FIGN: variants seen among roughly 807,000 people sequenced by gnomAD.
FIGN encodes fidgetin, microtubule severing factor.
In FIGN, 11 loss-of-function variants were observed where a neutral mutation model predicts 51.3. That is an observed-to-expected ratio of 0.21 (90% confidence interval 0.13 to 0.35). The LOEUF (loss-of-function observed/expected upper bound fraction) is 0.35, where lower values mean the gene tolerates loss of function less well. Ranked by LOEUF, FIGN falls within the 10% of genes least tolerant of loss-of-function variation. The pLI, the probability that FIGN is intolerant of heterozygous loss-of-function variation, is 1.00. For synonymous variants in FIGN, 407 were observed against 363.2 expected (o/e 1.12, Z -1.37); for missense variants, 857 against 943.6 (o/e 0.91, Z 1.20).
intron 2 of FIGN, among the ~76,000 whole-genome samples, chr2:163,727,128 GA>G (rs1327340849): frequency 6.6e-6 from 1 of 151,910 alleles, no homozygotes; most frequent in Non-Finnish European, 1.5e-5. Context: ...ATGAACAGAT[GA>G]AAAATAAAAA....
Position 163,609,146 on chromosome 2 carries a change from G to T in FIGN, c.*406C>A. Reference sequence around the variant, plus strand: ...TTTGAAGTTAAAGCTCTTTATATTAGCACATGCCACCAATGTAATTGTGAG... The same window carrying T: ...TTTGAAGTTAAAGCTCTTTATATTATCACATGCCACCAATGTAATTGTGAG... On this transcript the variant is annotated 3_prime_UTR_variant, in exon 3 of 3. Coordinates refer to ENST00000333129, the MANE Select transcript of FIGN (RefSeq NM_018086.4). 1 of 176,876 alleles carries T rather than the reference G, an allele frequency of 5.7e-6. No individual in the cohort carries two copies. The highest frequency in any genetic ancestry group is 1.2e-5 in the Non-Finnish European group (1 of 83,108). 11.0% of individuals were successfully genotyped at this position (176,876 alleles called of 1,614,324 possible). A position where few individuals can be genotyped will look rare whatever the true frequency, so the allele number is the denominator to read the frequency against.
chr2:163,704,038 GA>G (rs1190118509), intron 2 of FIGN, among the ~76,000 whole-genome samples: 5 of 151,208 alleles, frequency 3.3e-5, no homozygotes, highest in East Asian at 3.9e-4. Flanking sequence ...GGAAAAGGGG[GA>G]AAAAAAAGTC....
Position 163,726,617 on chromosome 2 carries a change from A to G in FIGN, c.25+8286T>C, listed in dbSNP as rs185315112. On this transcript the variant is annotated intron_variant, in intron 2 of 2. Transcript: ENST00000333129. ...ATACATTTTCTAACTAACCCCGTTA[A>G]CCTAAATACTCATAAAGGAATACCA... Among the ~76,000 whole-genome samples, 7 of 152,124 alleles carry G rather than the reference A, an allele frequency of 4.6e-5. No homozygotes were observed. The East Asian group carries it at 1.4e-3, about 30-fold the overall frequency.
intron 2 of FIGN, among the ~76,000 whole-genome samples, chr2:163,709,787 A>C (rs1452066898): frequency 6.6e-6 from 1 of 152,148 alleles, no homozygotes; most frequent in East Asian, 1.9e-4. Flanking sequence ...TTTATGAGAA[A>C]AAAATAGAAT....
At chr2:163,689,554 TCAAC>T (rs1241084790) in intron 2 of FIGN, among the ~76,000 whole-genome samples, 2 of 152,158 alleles carry the variant, frequency 1.3e-5, no homozygotes, top group Non-Finnish European at 2.9e-5. Flanking sequence ...ATGGAAATTA[TCAAC>T]CTTTTATTTA....
intron 2 of FIGN, among the ~76,000 whole-genome samples, chr2:163,634,723 C>T (rs116825038): frequency 0.011 from 1,643 of 152,300 alleles, 21 homozygotes; most frequent in African/African-American, 0.034. Flanking sequence ...GACTGATGAA[C>T]AGTTACACAT....
At position 163,604,936 on chromosome 2, in the gene FIGN, C is replaced by CTTTTTTTTTTTTTTTTTT. The variant is rs71410075; in HGVS notation, c.*4598_*4615dup. On this transcript the variant is annotated 3_prime_UTR_variant, in exon 3 of 3. Coordinates refer to ENST00000333129, the MANE Select transcript of FIGN (RefSeq NM_018086.4). Reference sequence around the variant, plus strand: ...TTTTAAGCCCAGAAATAAACTTTTGCTTTTTTTTTTTTTTTTTTTGTATCA... The same window carrying CTTTTTTTTTTTTTTTTTT: ...TTTTAAGCCCAGAAATAAACTTTTGCTTTTTTTTTTTTTTTTTTTTTTTTTTTTTTTTTTTTTGTATCA... 5 of 94,258 alleles carry CTTTTTTTTTTTTTTTTTT rather than the reference C, an allele frequency of 5.3e-5. 1 individual carries two copies. Among genetic ancestry groups the CTTTTTTTTTTTTTTTTTT allele is most frequent in the South Asian group, 9.3e-4 (2 of 2,144 alleles). The allele number at this position is 94,258 out of a possible 1,614,324, so 5.8% of individuals were successfully genotyped here.
intron 2 of FIGN, among the ~76,000 whole-genome samples, chr2:163,631,649 T>G (rs1033757344): frequency 3.3e-5 from 5 of 152,170 alleles, no homozygotes; most frequent in Admixed American, 6.6e-5. Flanking sequence ...CTGCATTTTG[T>G]TTTTATGTAT....
intron 2 of FIGN, among the ~76,000 whole-genome samples, chr2:163,653,186 C>T (rs1250741936): frequency 6.6e-6 from 1 of 152,040 alleles, no homozygotes; most frequent in Non-Finnish European, 1.5e-5. Flanking sequence ...TAATGTGCTT[C>T]AAATAATGAC....
intron 2 of FIGN, among the ~76,000 whole-genome samples, chr2:163,629,952 CTTTTTTTTTTTTTTTT>C (rs71297448): frequency 1.8e-5 from 1 of 56,936 alleles, no homozygotes; most frequent in Non-Finnish European, 3.3e-5. Context: ...GAAAGGGGCA[CTTTTTTTTTTTTTTTT>C]TTTTTTTTTT....
chr2:163,726,952 C>A (rs933880377), intron 2 of FIGN, among the ~76,000 whole-genome samples: 1 of 151,956 alleles, frequency 6.6e-6, no homozygotes, highest in Non-Finnish European at 1.5e-5. Flanking sequence ...AATGAAAATG[C>A]CTTCAATCTT....
At chr2:163,673,815 C>G (rs1175256578) in intron 2 of FIGN, among the ~76,000 whole-genome samples, 1 of 151,928 alleles carries the variant, frequency 6.6e-6, no homozygotes, top group African/African-American at 2.4e-5. Context: ...GGGGCAGAAG[C>G]CTCAGGTGAG....
intron 2 of FIGN, among the ~76,000 whole-genome samples, chr2:163,612,032 C>T (rs997888994): frequency 1.1e-4 from 17 of 152,284 alleles, no homozygotes; most frequent in African/African-American, 3.9e-4. Flanking sequence ...TAAAATATAA[C>T]TCTGTAGTTA....
At chr2:163,681,384 C>G (rs528356493) in intron 2 of FIGN, among the ~76,000 whole-genome samples, 2 of 152,190 alleles carry the variant, frequency 1.3e-5, no homozygotes, top group African/African-American at 4.8e-5. Flanking sequence ...CTACTTTTGA[C>G]AATATTGTAT....
chr2:163,672,048 A>C (rs1683885096), intron 2 of FIGN, among the ~76,000 whole-genome samples: 1 of 152,168 alleles, frequency 6.6e-6, no homozygotes, highest in Admixed American at 6.6e-5. Context: ...CACATGTGTC[A>C]TAAACGGCTA....
intron 2 of FIGN, among the ~76,000 whole-genome samples, chr2:163,668,336 A>G (rs1296917403): frequency 6.6e-6 from 1 of 152,184 alleles, no homozygotes; most frequent in African/African-American, 2.4e-5. Flanking sequence ...AGTAAAGGAT[A>G]CCAAGAAGAA....
intron 2 of FIGN, among the ~76,000 whole-genome samples, chr2:163,676,195 GA>G (rs1260104654): frequency 6.6e-6 from 1 of 151,418 alleles, no homozygotes; most frequent in African/African-American, 2.4e-5. Context: ...TAATGTTTCT[GA>G]AACTTGAGTA....
chr2:163,696,009 G>A (rs1487385833), intron 2 of FIGN, among the ~76,000 whole-genome samples: 1 of 152,140 alleles, frequency 6.6e-6, no homozygotes, highest in Non-Finnish European at 1.5e-5. Flanking sequence ...TACTTGTGAG[G>A]TTGAGGCAAG....
chr2:163,726,998 C>T (rs1684847931), intron 2 of FIGN, among the ~76,000 whole-genome samples: 1 of 151,878 alleles, frequency 6.6e-6, no homozygotes, highest in South Asian at 2.1e-4. Flanking sequence ...GAATAATTAT[C>T]TTGTAAGATT....
Sources: gnomAD v4.1 joint callset for allele counts (sites outside exome capture counted in the v4.1 genomes callset) on GRCh38, gnomAD v4.1.1 for gene constraint, MANE v1.5 for transcripts, NCBI Gene and HGNC (gene_info 2026-07-23, HGNC 2026-07-21) for gene names.